The following THSD4 variants were observed in gnomAD, a reference collection of about 807,000 sequenced individuals.
The protein encoded by THSD4 is thrombospondin type 1 domain containing 4.
Under a neutral mutation model 119.0 loss-of-function variants are expected in THSD4, and 69 were observed. That is an observed-to-expected ratio of 0.58 (90% CI 0.48 to 0.71). THSD4 has a LOEUF of 0.71. Among genes scored for constraint, THSD4 ranks in the 30% least tolerant of loss-of-function variants. The pLI is 0.00. For missense variants in THSD4, 1,393 were observed against 1,391.1 expected (o/e 1.00, Z -0.02); for synonymous variants, 524 against 540.4 (o/e 0.97, Z 0.42).
intron 6 of THSD4, among the ~76,000 whole-genome samples, chr15:71,280,891 A>C (rs530123798): frequency 1.3e-5 from 2 of 152,080 alleles, no homozygotes; most frequent in African/African-American, 4.8e-5. Flanking sequence ...TTGATCTTCA[A>C]CTCTCATCAT....
chr15:71,140,254 C>T (rs778093067), intron 1 of THSD4, among the ~76,000 whole-genome samples: 2 of 152,172 alleles, frequency 1.3e-5, no homozygotes, highest in Non-Finnish European at 2.9e-5. Flanking sequence ...ATGGTGCTGG[C>T]TGGCATCTGC....
intron 8 of THSD4, among the ~76,000 whole-genome samples, chr15:71,720,554 G>A (rs867865823): frequency 3.9e-5 from 6 of 152,166 alleles, no homozygotes; most frequent in Non-Finnish European, 5.9e-5. Flanking sequence ...ATAATAAAAC[G>A]AAATGCTAAA....
chr15:71,215,261 G>T lies in THSD4; in HGVS notation c.326G>T (p.Arg109Leu). The T allele has an allele frequency of 6.7e-7, 1 of 1,498,752 alleles. No individual in the cohort carries two copies. Among genetic ancestry groups the T allele is most frequent in the Non-Finnish European group, 8.8e-7 (1 of 1,130,342 alleles). The allele number at this position is 1,498,752 out of a possible 1,614,324, so 92.8% of individuals were successfully genotyped here. ...AFADHVVSAV[R>L]TSVPLHRSRD... ...GCGGACCACGTGGTGTCGGCGGTGC[G>T]CACGTCGGTGCCACTGCACCGGAGC... is the stretch of plus-strand genomic sequence containing the variant. The change falls in exon 4 of 18, where the codon CGC (arginine) becomes CTC (leucine). Residue 109 changes from arginine (R) to leucine (L), a missense_variant. Coordinates refer to ENST00000261862, the MANE Select transcript of THSD4 (RefSeq NM_024817.3).
chr15:71,432,374 A>G (rs1175995485), intron 7 of THSD4, among the ~76,000 whole-genome samples: 1 of 152,258 alleles, frequency 6.6e-6, no homozygotes, highest in East Asian at 1.9e-4. Flanking sequence ...ATTGTGAAAC[A>G]ATCATTTGTT....
intron 7 of THSD4, among the ~76,000 whole-genome samples, chr15:71,611,146 C>T (rs1397891153): frequency 6.6e-6 from 1 of 152,224 alleles, no homozygotes; most frequent in Non-Finnish European, 1.5e-5. Flanking sequence ...GTGATTATGC[C>T]ATTTTACCAG....
rs911290460 is a variant in THSD4 at position 71,262,884 on chromosome 15, C to G, written c.1015+6169C>G. 2.6e-5 allele frequency among the ~76,000 whole-genome samples: 4 copies of G among 151,960 alleles called. No homozygotes were observed. In the South Asian group the frequency reaches 8.3e-4, roughly 32 times the overall value. ...ACCCAGGCTGGTAGAAGCTGTATCT[C>G]AACTCATGATTTCACTGAGGCAGGG... On this transcript the variant is annotated intron_variant, in intron 6 of 17. Coordinates refer to ENST00000261862, the MANE Select transcript of THSD4 (RefSeq NM_024817.3).
At chr15:71,460,305 GTTTTTTTTTT>G (rs563476190) in intron 7 of THSD4, among the ~76,000 whole-genome samples, 56 of 122,590 alleles carry the variant, frequency 4.6e-4, no homozygotes, top group African/African-American at 1.4e-3. Context: ...AAGTTGCCTG[GTTTTTTTTTT>G]TTTTTTTTTT....
intron 8 of THSD4, among the ~76,000 whole-genome samples, chr15:71,710,560 T>C (rs557787565): frequency 7.2e-5 from 11 of 152,322 alleles, no homozygotes; most frequent in African/African-American, 2.6e-4. Context: ...TTTGGCTTAT[T>C]ATCTTGGTGC....
chr15:71,441,027 TAAGC>T (rs1185455625), intron 7 of THSD4, among the ~76,000 whole-genome samples: 10 of 152,188 alleles, frequency 6.6e-5, no homozygotes, highest in Non-Finnish European at 1.0e-4. Context: ...CAGATTATCT[TAAGC>T]AAGTCATAAA....
chr15:71,254,579 C>A (rs2044293244), intron 5 of THSD4, among the ~76,000 whole-genome samples: 1 of 152,196 alleles, frequency 6.6e-6, no homozygotes, highest in Non-Finnish European at 1.5e-5. Flanking sequence ...TAACAAACTC[C>A]TTAAGGTTTC....
At chr15:71,766,167 G>A (rs2053713958) in intron 16 of THSD4, among the ~76,000 whole-genome samples, 1 of 152,096 alleles carries the variant, frequency 6.6e-6, no homozygotes, top group Admixed American at 6.6e-5. Context: ...AATGAAAGGG[G>A]AAAGGATGGA....
chr15:71,467,155 A>G (rs1042149647), intron 7 of THSD4, among the ~76,000 whole-genome samples: 17 of 151,994 alleles, frequency 1.1e-4, no homozygotes, highest in South Asian at 4.2e-4. Flanking sequence ...CCCCAAATCT[A>G]TTTTCCACAA....
chr15:71,357,928 G>A (rs569373663), intron 6 of THSD4, among the ~76,000 whole-genome samples: 3 of 152,276 alleles, frequency 2.0e-5, no homozygotes, highest in South Asian at 2.1e-4. Context: ...CTTGTGCTGC[G>A]CGATTCCTAC....
At chr15:71,452,297 G>A (rs1384392241) in intron 7 of THSD4, among the ~76,000 whole-genome samples, 3 of 152,104 alleles carry the variant, frequency 2.0e-5, no homozygotes, top group African/African-American at 4.8e-5. Context: ...ATTTGGGAAG[G>A]AGGACCCAAG....
chr15:71,498,602 C>A (rs1418154907), intron 7 of THSD4, among the ~76,000 whole-genome samples: 1 of 152,190 alleles, frequency 6.6e-6, no homozygotes, highest in Non-Finnish European at 1.5e-5. Flanking sequence ...ACCACTGGCT[C>A]CTAGACATTG....
chr15:71,771,376 A>G (rs1595936148), intron 17 of THSD4, among the ~76,000 whole-genome samples, 168 bp downstream of exon 17: 1 of 152,338 alleles, frequency 6.6e-6, no homozygotes, highest in African/African-American at 2.4e-5. Context: ...ATGGTTTAAG[A>G]TGATCATTCA....
At chr15:71,630,941 A>T (rs1262573150) in intron 7 of THSD4, among the ~76,000 whole-genome samples, 1 of 152,094 alleles carries the variant, frequency 6.6e-6, no homozygotes, top group African/African-American at 2.4e-5. Context: ...GCGTTGTAGG[A>T]TGTTTAGCAA....
At chr15:71,364,098 C>T (rs959307524) in intron 6 of THSD4, among the ~76,000 whole-genome samples, 6 of 152,152 alleles carry the variant, frequency 3.9e-5, no homozygotes, top group East Asian at 3.8e-4. Flanking sequence ...TGAAAAGAGA[C>T]GCCTTCACCA....
intron 14 of THSD4, among the ~76,000 whole-genome samples, chr15:71,755,041 A>T (rs1458221979): frequency 6.6e-6 from 1 of 152,236 alleles, no homozygotes; most frequent in Admixed American, 6.5e-5. Flanking sequence ...TCCAGTGATA[A>T]GAATCTTCTC....
Sources: gnomAD v4.1 joint callset for allele counts (sites outside exome capture counted in the v4.1 genomes callset) on GRCh38, gnomAD v4.1.1 for gene constraint, MANE v1.5 for transcripts, NCBI Gene and HGNC (gene_info 2026-07-23, HGNC 2026-07-21) for gene names.